The following SMG1 variants were observed in gnomAD, a reference collection of about 807,000 sequenced individuals.
The protein encoded by SMG1 is SMG1 nonsense mediated mRNA decay associated PI3K related kinase.
Under a neutral mutation model 419.9 loss-of-function variants are expected in SMG1, and 22 were observed. That is an observed-to-expected ratio of 0.05 (90% CI 0.04 to 0.07). SMG1 has a LOEUF of 0.07. SMG1 is among the 10% of genes least tolerant of loss of function. SMG1 has a pLI of 1.00. For missense variants in SMG1, 3,185 were observed against 4,342.0 expected, an observed-to-expected ratio of 0.73 and a Z score of 7.49; for synonymous variants, 1,538 against 1,553.5, an observed-to-expected ratio of 0.99 and a Z score of 0.23.
chr16:18,812,601 CATAT>C (rs200173434), intron 60 of SMG1, among the ~76,000 whole-genome samples: 61 of 142,358 alleles, frequency 4.3e-4, no homozygotes, highest in African/African-American at 1.5e-3. Flanking sequence ...TATATATACA[CATAT>C]ATATACATAC....
In SMG1 at chr16:18,834,386, C is replaced by G; in HGVS notation, c.8383G>C (p.Asp2795His). The G allele has an allele frequency of 1.2e-6, 2 of 1,613,934 alleles. No homozygotes were observed. The highest frequency in any genetic ancestry group is 1.7e-6 in the Non-Finnish European group (2 of 1,179,874). The change falls in exon 50 of 63, where the codon GAT (aspartate) becomes CAT (histidine). Residue 2795 changes from aspartate to histidine, a missense_variant. Coordinates refer to ENST00000446231, the MANE Select transcript of SMG1 (RefSeq NM_015092.5). ...CAGGCTCCATCCCGAGAAGTCAGAT[C>G]AACCAGCTGTTCTCCAGCACTTGAC... is the stretch of plus-strand genomic sequence containing the variant. ...AASSAGEQLVDLTSRDGAWFL... is the reference protein window; with the variant it reads ...AASSAGEQLVHLTSRDGAWFL...
chr16:18,811,458 T>A (rs757430861), intron 62 of SMG1, among the ~76,000 whole-genome samples: 46 of 152,306 alleles, frequency 3.0e-4, no homozygotes, highest in Non-Finnish European at 5.0e-4. Context: ...CCTTGGCATT[T>A]CATTTGAAAC....
chr16:18,838,719 GA>G, intron 42 of SMG1, 30 bp from the exon 43 acceptor site: 1 of 1,447,906 alleles, frequency 6.9e-7, no homozygotes, highest in East Asian at 2.3e-5. Context: ...GGCAGCAAGT[GA>G]AACACCATTA....
At position 18,854,558 on chromosome 16, in the gene SMG1, A is replaced by C. The variant is rs144760908; in HGVS notation, c.4483+98T>G. 2.6e-6 allele frequency: 3 copies of C among 1,143,620 alleles called. No individual in the cohort carries two copies. In the East Asian group the frequency reaches 7.8e-5, roughly 30 times the overall value. The allele number at this position is 1,143,620 out of a possible 1,614,324, so 70.8% of individuals were successfully genotyped here. On this transcript the variant is annotated intron_variant, in intron 30 of 62. Transcript: ENST00000446231. ...TGTTCTGCAACAGCTGGAAATGATC[A>C]ACTTTGCTATTACTACCTTATACCA...
rs541603944 is a variant in SMG1 at position 18,891,993 on chromosome 16, G to C, written c.549+225C>G. Among the ~76,000 whole-genome samples, 6 of 152,272 alleles carry C rather than the reference G, an allele frequency of 3.9e-5. No individual in the cohort carries two copies. In the South Asian group the frequency reaches 1.2e-3, roughly 32 times the overall value. On this transcript the variant is annotated intron_variant, in intron 4 of 62. Coordinates refer to ENST00000446231, the MANE Select transcript of SMG1 (RefSeq NM_015092.5). ...GCAGTGGGAGGATAGCTTGAATCCA[G>C]GAGTTTGAGACTGCAGTGAGCTATG...
At chr16:18,837,856 A>G (rs1345522738) in intron 45 of SMG1, among the ~76,000 whole-genome samples, 158 bp downstream of exon 45, 1 of 152,240 alleles carries the variant, frequency 6.6e-6, no homozygotes. Context: ...TACCTAATAA[A>G]AAGTTAACAT....
chr16:18,884,230 T>G, intron 8 of SMG1, 63 bp from the exon 9 acceptor site: 1 of 747,818 alleles, frequency 1.3e-6, no homozygotes. Context: ...AAATCCAAAT[T>G]AAAAAAAAAT....
chr16:18,834,793 G>GT lies in SMG1; in HGVS notation c.8330+98dup, dbSNP rs2033449203. 5.4e-6 allele frequency: 7 copies of GT among 1,301,232 alleles called. No individual in the cohort carries two copies. The South Asian group carries it at 5.6e-5, about 10-fold the overall frequency. 80.6% of individuals were successfully genotyped at this position (1,301,232 alleles called of 1,614,324 possible). A position where few individuals can be genotyped will look rare whatever the true frequency, so the allele number is the denominator to read the frequency against. On this transcript the variant is annotated intron_variant, in intron 49 of 62. Transcript: ENST00000446231. ...AAATCTGAAAAGCAAGTAAGCAGCT[G>GT]TAACACTTGGCAAGACTAAGGAAAG... is the stretch of plus-strand genomic sequence containing the variant.
chr16:18,888,426 G>C (rs1332626881), intron 6 of SMG1, among the ~76,000 whole-genome samples: 1 of 150,478 alleles, frequency 6.6e-6, no homozygotes, highest in East Asian at 1.9e-4. Context: ...AATCATTCTG[G>C]TCCTAAGCAA....
In SMG1 at chr16:18,809,617, A is replaced by T. The variant is rs543592032; in HGVS notation, c.10938T>A (p.Asn3646Lys). 1.9e-6 allele frequency: 3 copies of T among 1,610,092 alleles called. No individual in the cohort carries two copies. The highest frequency in any genetic ancestry group is 2.5e-6 in the Non-Finnish European group (3 of 1,178,046). Residue 3646 changes from asparagine (N) to lysine (K), a missense_variant, in exon 63 of 63, where the codon AAT becomes AAA. By Grantham distance (94) the Asn-to-Lys change is moderately conservative. Coordinates refer to ENST00000446231, the MANE Select transcript of SMG1 (RefSeq NM_015092.5). ...CATACAGCTGAGCCAAGTTATCTAG[A>T]TTAGTTGCTTCCTTAATGACATAGT... is the stretch of plus-strand genomic sequence containing the variant. ...QVDYVIKEAT[N>K]LDNLAQLYEG...
intron 55 of SMG1, among the ~76,000 whole-genome samples, chr16:18,820,532 C>T (rs1331555047): frequency 6.6e-6 from 1 of 152,128 alleles, no homozygotes; most frequent in Non-Finnish European, 1.5e-5. Flanking sequence ...AAAAATCCAT[C>T]CAGATTATCA....
chr16:18,839,945 G>T lies in SMG1; in HGVS notation c.6698C>A (p.Ala2233Asp), dbSNP rs1164856633. Reference protein sequence around the residue: ...QREAALQAQKAQDSYQTPQNP... With the variant: ...QREAALQAQKDQDSYQTPQNP... Reference sequence around the variant, plus strand: ...CTGAGGAGTTTGGTAGGAATCTTGGGCCTTAAGAAAAAACAATTTTTTTAA... The same window carrying T: ...CTGAGGAGTTTGGTAGGAATCTTGGTCCTTAAGAAAAAACAATTTTTTTAA... The change falls in exon 42 of 63, where the codon GCC becomes GAC. Residue 2233 changes from alanine to aspartate, a missense_variant and splice_region_variant. This residue lies in a region of SMG1 where 132 missense variants were observed against 151.0 expected (regional missense o/e 0.87). Coordinates refer to ENST00000446231, the MANE Select transcript of SMG1 (RefSeq NM_015092.5). 6.5e-7 allele frequency: 1 copy of T among 1,545,630 alleles called. No homozygotes were observed. Among genetic ancestry groups the T allele is most frequent in the Non-Finnish European group, 8.7e-7 (1 of 1,145,422 alleles).
Position 18,875,158 on chromosome 16 carries a change from T to A in SMG1, c.1890+966A>T, listed in dbSNP as rs533885598. The A allele has an allele frequency of 2.0e-5, 3 of 152,698 alleles. No individual in the cohort carries two copies. The South Asian group carries it at 6.2e-4, about 32-fold the overall frequency. 9.5% of individuals were successfully genotyped at this position (152,698 alleles called of 1,614,324 possible). ...TAAATAATTTTGTGCATACAACAGT[T>A]TGGACTCATCACATGAGATCAGGTG... is the stretch of plus-strand genomic sequence containing the variant. On this transcript the variant is annotated intron_variant, in intron 13 of 62. Transcript: ENST00000446231.
Position 18,816,365 on chromosome 16 carries a change from A to G in SMG1, c.10239T>C (p.Thr3413=), listed in dbSNP as rs762336311. 1 of 1,613,974 alleles carries G rather than the reference A, an allele frequency of 6.2e-7. No individual in the cohort carries two copies. Among genetic ancestry groups the G allele is most frequent in the East Asian group, 2.2e-5 (1 of 44,880 alleles). Residue 3413 remains threonine (T), a synonymous_variant, in exon 58 of 63, where the codon ACT becomes ACC. Coordinates refer to ENST00000446231, the MANE Select transcript of SMG1 (RefSeq NM_015092.5). ...TIQNLVDNIK[T]VLTGHNRQLG... ...GCTGTCGGTTATGACCAGTGAGCAC[A>G]GTCTTTATATTATCAACCAGATTCT... is the stretch of plus-strand genomic sequence containing the variant.
At position 18,839,857 on chromosome 16, in the gene SMG1, T is replaced by A. The variant is rs779392857; in HGVS notation, c.6786A>T (p.Lys2262Asn). 1.2e-6 allele frequency: 2 copies of A among 1,613,680 alleles called. No individual in the cohort carries two copies. Among genetic ancestry groups the A allele is most frequent in the East Asian group, 4.5e-5 (2 of 44,870 alleles). Residue 2262 changes from lysine to asparagine, a missense_variant, in exon 42 of 63, where the codon AAA (lysine) becomes AAT (asparagine). Coordinates refer to ENST00000446231, the MANE Select transcript of SMG1 (RefSeq NM_015092.5). ...ACACATCCAGGCTAAGCCCAACTGT[T>A]TTCAAAGCAGGGCCAATTTTACTGT... Reference protein sequence around the residue: ...LYYSKIGPALKTVGLSLDVSR... With the variant: ...LYYSKIGPALNTVGLSLDVSR...
At chr16:18,835,416 G>A (rs2033494334) in intron 48 of SMG1, among the ~76,000 whole-genome samples, 1 of 152,206 alleles carries the variant, frequency 6.6e-6, no homozygotes, top group African/African-American at 2.4e-5. Context: ...AAGGCAGGAG[G>A]ATCGCTTGAG....
chr16:18,871,538 C>T (rs1026980429), intron 15 of SMG1, 56 bp from the exon 16 acceptor site: 8 of 807,452 alleles, frequency 9.9e-6, no homozygotes, highest in African/African-American at 5.4e-5. Flanking sequence ...AACCAAAAAA[C>T]ATTAAAAGCC....
chr16:18,859,482 A>T, intron 27 of SMG1, 74 bp downstream of exon 27: 1 of 692,212 alleles, frequency 1.4e-6, no homozygotes, highest in East Asian at 2.7e-5. Context: ...CTCTCCTTCC[A>T]GCCCTCTTCA....
Position 18,847,602 on chromosome 16 carries a change from C to G in SMG1, c.5847G>C (p.Gln1949His). The G allele has an allele frequency of 6.2e-7, 1 of 1,614,018 alleles. No homozygotes were observed. Among genetic ancestry groups the G allele is most frequent in the Non-Finnish European group, 8.5e-7 (1 of 1,179,902 alleles). ...SANPTMVLQV[Q>H]MLVAELRRVT... ...CCCTGCGCAGTTCAGCCACGAGCAT[C>G]TGAACCTGCATACACAGCACACCCA... The change falls in exon 38 of 63, where the codon CAG becomes CAC. Residue 1949 changes from glutamine (Q) to histidine (H), a missense_variant. Gln to His is a conservative substitution (Grantham distance 24). This residue lies in a region of SMG1 where 130 missense variants were observed against 162.0 expected (regional missense o/e 0.80). Transcript: ENST00000446231.
Sources: allele counts gnomAD v4.1 joint callset (sites outside exome capture counted in the v4.1 genomes callset), GRCh38; gene constraint gnomAD v4.1.1; regional missense constraint gnomAD v4.1.1; transcripts MANE v1.5; gene names NCBI Gene and HGNC (gene_info 2026-07-23, HGNC 2026-07-21).